SATB2: variants seen among roughly 807,000 people sequenced by gnomAD.
The protein encoded by SATB2 is DNA-binding protein SATB2.
In SATB2, 1 loss-of-function variant was observed where a neutral mutation model predicts 73.4. That is an observed-to-expected ratio of 0.01 (90% CI 0.00 to 0.06). SATB2 has a LOEUF of 0.06. Among genes scored for constraint, SATB2 ranks in the 10% least tolerant of loss-of-function variants. SATB2 has a pLI of 1.00. For synonymous variants in SATB2, 397 were observed against 367.0 expected (o/e 1.08, Z -0.93); for missense variants, 459 against 945.8 (o/e 0.49, Z 6.75).
At chr2:199,353,439 G>T (rs899738065) in intron 6 of SATB2, among the ~76,000 whole-genome samples, 6 of 152,026 alleles carry the variant, frequency 3.9e-5, no homozygotes, top group Non-Finnish European at 5.9e-5. Flanking sequence ...ACAGGCATGA[G>T]CCACCATGCC....
chr2:199,390,722 C>T (rs1011030985), intron 3 of SATB2, among the ~76,000 whole-genome samples: 1 of 152,188 alleles, frequency 6.6e-6, no homozygotes, highest in Non-Finnish European at 1.5e-5. Flanking sequence ...CTTTCACATC[C>T]TCATTAATTA....
intron 3 of SATB2, among the ~76,000 whole-genome samples, chr2:199,429,862 A>T (rs1238906575): frequency 6.6e-6 from 1 of 152,234 alleles, no homozygotes; most frequent in Non-Finnish European, 1.5e-5. Flanking sequence ...GTGAGCCAAG[A>T]TCGTGCCCCT....
At chr2:199,283,175 C>T (rs550634129) in intron 10 of SATB2, among the ~76,000 whole-genome samples, 7 of 151,476 alleles carry the variant, frequency 4.6e-5, no homozygotes, top group Non-Finnish European at 1.0e-4. Context: ...GCTCCGCCTC[C>T]TGGGTTCACG....
intron 10 of SATB2, among the ~76,000 whole-genome samples, chr2:199,307,190 T>A (rs1167966460): frequency 6.6e-6 from 1 of 152,178 alleles, no homozygotes; most frequent in Non-Finnish European, 1.5e-5. Context: ...TCTGAGGCTA[T>A]CCATTTCATT....
intron 3 of SATB2, among the ~76,000 whole-genome samples, chr2:199,411,601 A>T (rs998652135): frequency 6.6e-6 from 1 of 152,210 alleles, no homozygotes; most frequent in Non-Finnish European, 1.5e-5. Flanking sequence ...ACCCAATGTC[A>T]CAAAACAAGC....
intron 2 of SATB2, among the ~76,000 whole-genome samples, chr2:199,436,247 T>C (rs1233491991): frequency 1.3e-5 from 2 of 152,188 alleles, no homozygotes; most frequent in Non-Finnish European, 2.9e-5. Context: ...AGATATGAAA[T>C]ATAACATGAA....
chr2:199,392,890 G>A (rs1690190960), intron 3 of SATB2, among the ~76,000 whole-genome samples: 1 of 152,150 alleles, frequency 6.6e-6, no homozygotes, highest in Non-Finnish European at 1.5e-5. Flanking sequence ...AAAGAGGTAA[G>A]CATTACATTT....
chr2:199,343,601 TTAAGTTCAAAC>T (rs1253203814), intron 7 of SATB2, among the ~76,000 whole-genome samples: 3 of 152,214 alleles, frequency 2.0e-5, no homozygotes, highest in African/African-American at 7.2e-5. Flanking sequence ...GACCTCCTGC[TTAAGTTCAAAC>T]TATGTCATTC....
chr2:199,311,326 T>G (rs1687587817), intron 9 of SATB2, among the ~76,000 whole-genome samples: 1 of 152,092 alleles, frequency 6.6e-6, no homozygotes. Flanking sequence ...AAGTGTTTGC[T>G]TGGCTGATCA....
intron 10 of SATB2, among the ~76,000 whole-genome samples, chr2:199,273,160 C>A (rs1301951026): frequency 6.6e-6 from 1 of 152,162 alleles, no homozygotes; most frequent in Non-Finnish European, 1.5e-5. Flanking sequence ...AAGAAACCAA[C>A]CTCCTAGAGA....
upstream of SATB2, among the ~76,000 whole-genome samples, chr2:199,461,002 G>GA (rs925093895): frequency 2.6e-5 from 4 of 151,960 alleles, 1 homozygote; most frequent in African/African-American, 7.3e-5. Flanking sequence ...TTCTGATACT[G>GA]AAAAAAATCT....
At chr2:199,293,486 T>C (rs2105745851) in intron 10 of SATB2, among the ~76,000 whole-genome samples, 1 of 152,238 alleles carries the variant, frequency 6.6e-6, no homozygotes, top group South Asian at 2.1e-4. Context: ...TATTCAGAAG[T>C]TGACCACAGA....
intron 6 of SATB2, among the ~76,000 whole-genome samples, chr2:199,356,730 T>C (rs1688995423): frequency 6.6e-6 from 1 of 152,158 alleles, no homozygotes; most frequent in East Asian, 1.9e-4. Flanking sequence ...GCCTAAATGT[T>C]TCACAAGTGC....
chr2:199,356,837 G>A (rs1688999344), intron 6 of SATB2, among the ~76,000 whole-genome samples: 1 of 151,982 alleles, frequency 6.6e-6, no homozygotes, highest in Admixed American at 6.6e-5. Context: ...TGGCATTTCA[G>A]GTAACACCAA....
At chr2:199,467,450 T>C (rs1380006078), upstream of SATB2, 1 of 152,252 alleles carries the variant, frequency 6.6e-6, no homozygotes, top group South Asian at 2.1e-4. Context: ...GTTTTTCAAA[T>C]TTGTCATCAT....
In SATB2 at chr2:199,283,228, C is replaced by T. The variant is rs182624122; in HGVS notation, c.1741-10556G>A. ...CCTCTTGAGTAGCTGGGAATACAGGCGCCCGCCACCATGCCTAGCTATTTT... is the reference window on the plus strand; with the variant it reads ...CCTCTTGAGTAGCTGGGAATACAGGTGCCCGCCACCATGCCTAGCTATTTT... On this transcript the variant is annotated intron_variant, in intron 10 of 10. Coordinates refer to ENST00000417098, the MANE Select transcript of SATB2 (RefSeq NM_001172509.2). 9.7e-4 allele frequency among the ~76,000 whole-genome samples: 146 copies of T among 150,150 alleles called. No homozygotes were observed. In the East Asian group the frequency reaches 0.019, roughly 20 times the overall value.
At position 199,301,388 on chromosome 2, in the gene SATB2, T is replaced by C. The variant is rs960870293; in HGVS notation, c.1740+7372A>G. Among the ~76,000 whole-genome samples the C allele has an allele frequency of 3.3e-5, 5 of 152,146 alleles. No homozygotes were observed. The South Asian group carries it at 1.0e-3, about 32-fold the overall frequency. On this transcript the variant is annotated intron_variant, in intron 10 of 10. Coordinates refer to ENST00000417098, the MANE Select transcript of SATB2 (RefSeq NM_001172509.2). Reference sequence around the variant, plus strand: ...CAGGGTACTAGAAGCCATGTTCCACTAAAAGGCCCTAACTTTCCAGCCCAA... The same window carrying C: ...CAGGGTACTAGAAGCCATGTTCCACCAAAAGGCCCTAACTTTCCAGCCCAA...
In SATB2 at chr2:199,381,732, A is replaced by T. The variant is rs1559017829; in HGVS notation, c.435T>A (p.Asp145Glu). ...PDATVADMLQ[D>E]VYHVVTLKIQ... is the part of the protein sequence containing the mutation. ...TTTTCAACGTCACAACATGATAGAC[A>T]TCTTGTAGCATGTCGGCCACTGTCG... The change falls in exon 4 of 11, where the codon GAT (aspartate) becomes GAA (glutamate). Residue 145 changes from aspartate (D) to glutamate (E), a missense_variant. By Grantham distance (45) the Asp-to-Glu change is conservative. Coordinates refer to ENST00000417098, the MANE Select transcript of SATB2 (RefSeq NM_001172509.2). 1 of 1,614,134 alleles carries T rather than the reference A, an allele frequency of 6.2e-7. No individual in the cohort carries two copies. The highest frequency in any genetic ancestry group is 1.7e-5 in the Admixed American group (1 of 60,022).
intron 3 of SATB2, among the ~76,000 whole-genome samples, chr2:199,417,064 ACACACACTCAC>A (rs1372828126): frequency 3.3e-5 from 5 of 150,670 alleles, no homozygotes; most frequent in African/African-American, 4.9e-5. Context: ...ACACACACAC[ACACACACTCAC>A]AAAAAAAAAT....
Sources: allele counts gnomAD v4.1 joint callset (sites outside exome capture counted in the v4.1 genomes callset), GRCh38; gene constraint gnomAD v4.1.1; transcripts MANE v1.5; gene names NCBI Gene and HGNC (gene_info 2026-07-23, HGNC 2026-07-21).